Variants in SNTG1 observed in about 807,000 individuals in gnomAD.
SNTG1 encodes syntrophin gamma 1, also known as gamma-1-syntrophin.
In SNTG1, 39 loss-of-function variants were observed where a neutral mutation model predicts 74.7. That is an observed-to-expected ratio of 0.52 (90% CI 0.40 to 0.68). The LOEUF (loss-of-function observed/expected upper bound fraction) is 0.68. Ranked by LOEUF, SNTG1 falls within the 30% of genes least tolerant of loss-of-function variation. SNTG1 has a pLI of 0.00. For synonymous variants in SNTG1, 254 were observed against 217.1 expected (o/e 1.17, Z -1.49); for missense variants, 685 against 609.5 (o/e 1.12, Z -1.30).
chr8:50,374,453 A>G (rs2092334461), intron 2 of SNTG1, among the ~76,000 whole-genome samples: 1 of 152,166 alleles, frequency 6.6e-6, no homozygotes, highest in Non-Finnish European at 1.5e-5. Flanking sequence ...TGCAGGTTGT[A>G]ATGCATGGTA....
chr8:50,344,479 A>G (rs1296041618), intron 2 of SNTG1, among the ~76,000 whole-genome samples: 1 of 152,136 alleles, frequency 6.6e-6, no homozygotes, highest in African/African-American at 2.4e-5. Context: ...TTCAAGAGGA[A>G]TAGAAATAAA....
intron 2 of SNTG1, among the ~76,000 whole-genome samples, chr8:50,181,057 C>T (rs1019733014): frequency 5.9e-5 from 9 of 152,134 alleles, no homozygotes; most frequent in African/African-American, 2.2e-4. Flanking sequence ...AGCCACTGCA[C>T]CCGGCCTGTG....
At chr8:49,913,981 C>A (rs1805801357) in intron 1 of SNTG1, among the ~76,000 whole-genome samples, 1 of 151,904 alleles carries the variant, frequency 6.6e-6, no homozygotes, top group Non-Finnish European at 1.5e-5. Context: ...TTTGCCTAAT[C>A]CCTTAGGAGA....
intron 4 of SNTG1, among the ~76,000 whole-genome samples, chr8:50,404,207 A>G (rs1448240272): frequency 6.6e-6 from 1 of 152,140 alleles, no homozygotes; most frequent in Non-Finnish European, 1.5e-5. Context: ...ACTCAGGAAC[A>G]TATTTAACAA....
chr8:50,486,577 A>G (rs1485289228), intron 8 of SNTG1, among the ~76,000 whole-genome samples: 1 of 127,036 alleles, frequency 7.9e-6, no homozygotes, highest in Non-Finnish European at 1.7e-5. Context: ...TTCTAGATAT[A>G]CAATCATGTC....
At chr8:50,765,234 C>A (rs137970518) in intron 18 of SNTG1, among the ~76,000 whole-genome samples, 1 of 152,016 alleles carries the variant, frequency 6.6e-6, no homozygotes, top group Non-Finnish European at 1.5e-5. Context: ...GGGTATGGGG[C>A]CATGGCTTTT....
chr8:50,402,840 T>A (rs184938056), intron 4 of SNTG1, among the ~76,000 whole-genome samples: 16 of 152,260 alleles, frequency 1.1e-4, no homozygotes, highest in African/African-American at 3.6e-4. Flanking sequence ...CCTAATAGAA[T>A]TATGCCCAAG....
At chr8:50,230,243 A>C (rs573652648) in intron 2 of SNTG1, among the ~76,000 whole-genome samples, 1 of 151,586 alleles carries the variant, frequency 6.6e-6, no homozygotes, top group Non-Finnish European at 1.5e-5. Context: ...ACAGAAAATA[A>C]TAGAGGAAAT....
intron 18 of SNTG1, among the ~76,000 whole-genome samples, chr8:50,787,951 C>T (rs995287037): frequency 1.3e-5 from 2 of 151,948 alleles, no homozygotes; most frequent in Non-Finnish European, 1.5e-5. Flanking sequence ...TTCTAAAATC[C>T]GTTTACTTGC....
At chr8:49,968,187 ATTTCTTTGTGTCCAAAGCC>A in intron 1 of SNTG1, among the ~76,000 whole-genome samples, 1 of 152,250 alleles carries the variant, frequency 6.6e-6, no homozygotes, top group Middle Eastern at 3.4e-3. Flanking sequence ...TGTTCTTCCA[ATTTCTTTGTGTCCAAAGCC>A]ATTGCCCACA....
At chr8:50,068,588 A>G (rs1016544462) in intron 1 of SNTG1, among the ~76,000 whole-genome samples, 1 of 152,190 alleles carries the variant, frequency 6.6e-6, no homozygotes, top group African/African-American at 2.4e-5. Context: ...TTCCAGTCGC[A>G]TGGAGCACTT....
intron 2 of SNTG1, among the ~76,000 whole-genome samples, chr8:50,329,950 G>A (rs539510188): frequency 6.6e-6 from 1 of 152,204 alleles, no homozygotes; most frequent in South Asian, 2.1e-4. Context: ...GGGGCAATTT[G>A]CCACCAGTCT....
intron 12 of SNTG1, among the ~76,000 whole-genome samples, chr8:50,570,566 T>TATC (rs1280803564): frequency 2.2e-5 from 1 of 45,100 alleles, no homozygotes; most frequent in Non-Finnish European, 4.1e-5. Context: ...CCTTATTTTT[T>TATC]ATTATTATTA....
intron 17 of SNTG1, among the ~76,000 whole-genome samples, chr8:50,729,898 A>C (rs1416166499): frequency 2.0e-5 from 3 of 152,156 alleles, no homozygotes; most frequent in Non-Finnish European, 4.4e-5. Context: ...TGACCAAGGA[A>C]TTCATTATGA....
At chr8:50,747,235 G>A (rs193051200) in intron 17 of SNTG1, among the ~76,000 whole-genome samples, 271 of 151,984 alleles carry the variant, frequency 1.8e-3, no homozygotes, top group Non-Finnish European at 2.9e-3. Context: ...TCCTGAAAGG[G>A]GGTAGCAGAA....
At chr8:50,735,069 A>T (rs1255535349) in intron 17 of SNTG1, among the ~76,000 whole-genome samples, 1 of 150,796 alleles carries the variant, frequency 6.6e-6, no homozygotes, top group African/African-American at 2.4e-5. Context: ...AATTTACACC[A>T]CTGTATAATC....
chr8:50,306,186 G>T (rs2130712902), intron 2 of SNTG1, among the ~76,000 whole-genome samples: 1 of 151,934 alleles, frequency 6.6e-6, no homozygotes, highest in South Asian at 2.1e-4. Flanking sequence ...TTAGAATAAT[G>T]GCCTCCAGCT....
At chr8:50,566,285 A>G (rs893040334) in intron 12 of SNTG1, among the ~76,000 whole-genome samples, 1 of 152,026 alleles carries the variant, frequency 6.6e-6, no homozygotes, top group Admixed American at 6.6e-5. Flanking sequence ...GCAAATCTGC[A>G]TATAGTCCCA....
At chr8:50,105,892 C>T (rs1036016532) in intron 1 of SNTG1, among the ~76,000 whole-genome samples, 1 of 152,068 alleles carries the variant, frequency 6.6e-6, no homozygotes, top group Non-Finnish European at 1.5e-5. Context: ...TATCCTGAAA[C>T]TTTGACAAAG....
Sources: gnomAD v4.1 joint callset for allele counts (sites outside exome capture counted in the v4.1 genomes callset) on GRCh38, gnomAD v4.1.1 for gene constraint, MANE v1.5 for transcripts, NCBI Gene and HGNC (gene_info 2026-07-23, HGNC 2026-07-21) for gene names.